PLEKHG4B: variants seen among roughly 807,000 people sequenced by gnomAD.
PLEKHG4B encodes the protein pleckstrin homology domain-containing family G member 4B.
A neutral mutation model predicts 121.3 loss-of-function variants in PLEKHG4B; 111 were observed. That is an observed-to-expected ratio of 0.92 (90% CI 0.78 to 1.07). The LOEUF (loss-of-function observed/expected upper bound fraction) is 1.07. Among genes scored for constraint, PLEKHG4B ranks in the 50% least tolerant of loss-of-function variants. The pLI is 0.00. For missense variants in PLEKHG4B, 1,831 were observed against 1,757.8 expected (o/e 1.04, Z -0.74); for synonymous variants, 738 against 725.0 (o/e 1.02, Z -0.29).
In PLEKHG4B at chr5:143,523, C is replaced by T. The variant is rs571148637; in HGVS notation, c.1811+20C>T. 8.6e-5 allele frequency: 139 copies of T among 1,611,942 alleles called. 1 individual carries two copies. In the South Asian group the frequency reaches 9.4e-4, roughly 11 times the overall value. On this transcript the variant is annotated intron_variant, in intron 5 of 19. Coordinates refer to ENST00000637938, the MANE Select transcript of PLEKHG4B (RefSeq NM_052909.5). ...CCCCAGGTGGGACGGGGGGCAAGGCCGCACCCTGCAGACCCATGGGACCCC... is the reference window on the plus strand; with the variant it reads ...CCCCAGGTGGGACGGGGGGCAAGGCTGCACCCTGCAGACCCATGGGACCCC...
At chr5:125,426 A>G (rs1423328410) in intron 2 of PLEKHG4B, among the ~76,000 whole-genome samples, 1 of 152,184 alleles carries the variant, frequency 6.6e-6, no homozygotes, top group African/African-American at 2.4e-5. Context: ...ATTTGAATTT[A>G]TACAAGTTTA....
At chr5:169,811 C>T (rs750089071) in intron 14 of PLEKHG4B, among the ~76,000 whole-genome samples, 2 of 152,244 alleles carry the variant, frequency 1.3e-5, no homozygotes, top group Admixed American at 6.5e-5. Flanking sequence ...GTGGTGTGAC[C>T]GACTGTGTCC....
chr5:171,560 C>A, intron 16 of PLEKHG4B, 116 bp downstream of exon 16: 1 of 1,063,542 alleles, frequency 9.4e-7, no homozygotes, highest in Non-Finnish European at 1.3e-6. Context: ...AGATTTGCCC[C>A]GGAGAAGTCC....
intron 2 of PLEKHG4B, among the ~76,000 whole-genome samples, chr5:115,399 C>T (rs1324371786): frequency 6.6e-6 from 1 of 152,154 alleles, no homozygotes; most frequent in East Asian, 1.9e-4. Context: ...TTCTTAGGGG[C>T]CCTGGGAGGT....
intron 1 of PLEKHG4B, among the ~76,000 whole-genome samples, chr5:100,333 AC>A (rs568558355): frequency 5.0e-4 from 76 of 152,132 alleles, no homozygotes; most frequent in African/African-American, 1.7e-3. Flanking sequence ...AATGTAGGTA[AC>A]TGGAAAAAGG....
chr5:136,815 G>A (rs1734998580), intron 2 of PLEKHG4B, among the ~76,000 whole-genome samples: 1 of 152,182 alleles, frequency 6.6e-6, no homozygotes. Context: ...TCAAAAGAGT[G>A]AACACAGAAT....
intron 11 of PLEKHG4B, among the ~76,000 whole-genome samples, chr5:160,153 C>T (rs766653622): frequency 4.6e-5 from 7 of 152,264 alleles, no homozygotes; most frequent in African/African-American, 7.2e-5. Context: ...TAGATTTTTA[C>T]ACACGGGATG....
intron 13 of PLEKHG4B, among the ~76,000 whole-genome samples, chr5:166,570 C>T (rs566378301): frequency 2.0e-5 from 3 of 151,452 alleles, no homozygotes; most frequent in African/African-American, 2.4e-5. Context: ...TCTGACGGGG[C>T]GGGGCTCACA....
chr5:129,986 G>A (rs549766380), intron 2 of PLEKHG4B, among the ~76,000 whole-genome samples: 38 of 152,044 alleles, frequency 2.5e-4, no homozygotes, highest in African/African-American at 7.7e-4. Context: ...ATGCTCATAG[G>A]TCACTCAGGA....
Position 156,300 on chromosome 5 carries a change from A to G in PLEKHG4B, c.2348+90A>G. On this transcript the variant is annotated intron_variant, in intron 10 of 19. Transcript: ENST00000637938. This position sits in a 1 kb window ranked among gnomAD's most constrained non-coding sequence, Gnocchi z 4.4. ...ACCAGGAGGCGTAGCGCTCTGCTCC[A>G]AGGAGAGCCCCCTCTGTGCTTGGTC... is the stretch of plus-strand genomic sequence containing the variant. The G allele has an allele frequency of 8.0e-7, 1 of 1,242,518 alleles. No homozygotes were observed. 77.0% of individuals were successfully genotyped at this position (1,242,518 alleles called of 1,614,324 possible).
At chr5:97,138 C>A (rs569126211) in intron 1 of PLEKHG4B, among the ~76,000 whole-genome samples, 1 of 150,722 alleles carries the variant, frequency 6.6e-6, no homozygotes, top group East Asian at 1.9e-4. Context: ...GGCTTCAGAT[C>A]GTTTTCCTCA....
chr5:135,698 T>TATATATATAC (rs1560918214), intron 2 of PLEKHG4B, among the ~76,000 whole-genome samples: 4 of 61,324 alleles, frequency 6.5e-5, no homozygotes, highest in African/African-American at 3.8e-4. Flanking sequence ...TATATATATA[T>TATATATATAC]ATATATATAT....
intron 18 of PLEKHG4B, among the ~76,000 whole-genome samples, chr5:179,124 C>G (rs1560957519): frequency 6.6e-6 from 1 of 152,198 alleles, no homozygotes; most frequent in Non-Finnish European, 1.5e-5. Context: ...GTTTACACGA[C>G]ACATACTTCT....
At chr5:135,033 C>A (rs1305260022) in intron 2 of PLEKHG4B, among the ~76,000 whole-genome samples, 1 of 151,166 alleles carries the variant, frequency 6.6e-6, no homozygotes, top group Non-Finnish European at 1.5e-5. Flanking sequence ...ACTAAAAATA[C>A]AAAAACTTAG....
chr5:92,809 C>T (rs992350318), intron 1 of PLEKHG4B, among the ~76,000 whole-genome samples: 1 of 152,004 alleles, frequency 6.6e-6, no homozygotes, highest in Admixed American at 6.5e-5. Context: ...TGGGACAGAA[C>T]AGTGATCTGT....
chr5:169,222 C>A, intron 13 of PLEKHG4B, 118 bp from the exon 14 acceptor site: 1 of 1,401,928 alleles, frequency 7.1e-7, no homozygotes, highest in Non-Finnish European at 9.7e-7. Context: ...GCCTCCAGTC[C>A]ACATGTGACC....
At position 151,613 on chromosome 5, in the gene PLEKHG4B, CTG is replaced by C; in HGVS notation, c.1992+17_1992+18del. ...GCAATAATTCAGGTAATGGTTTAGACTGTGGGATCCTGAGTGATGGATAAAAT... is the reference window on the plus strand; with the variant it reads ...GCAATAATTCAGGTAATGGTTTAGACTGGGATCCTGAGTGATGGATAAAAT... On this transcript the variant is annotated intron_variant, in intron 7 of 19. Transcript: ENST00000637938. 6.6e-7 allele frequency: 1 copy of C among 1,506,182 alleles called. No homozygotes were observed. The highest frequency in any genetic ancestry group is 9.2e-7 in the Non-Finnish European group (1 of 1,090,326). 93.3% of individuals were successfully genotyped at this position (1,506,182 alleles called of 1,614,324 possible).
In PLEKHG4B at chr5:156,358, G is replaced by C; in HGVS notation, c.2348+148G>C. ...CCATTCTGACAGCCACGCTTTGCCT[G>C]GGTCAGAGCTTTTCCACATTTACAG... On this transcript the variant is annotated intron_variant, in intron 10 of 19. Transcript: ENST00000637938. This position sits in a 1 kb window ranked among gnomAD's most constrained non-coding sequence, Gnocchi z 4.4. 2.1e-6 allele frequency: 2 copies of C among 949,364 alleles called. No homozygotes were observed. The highest frequency in any genetic ancestry group is 3.6e-5 in the Admixed American group (1 of 27,458). 58.8% of individuals were successfully genotyped at this position (949,364 alleles called of 1,614,324 possible).
chr5:118,274 A>G (rs1019490686), intron 2 of PLEKHG4B, among the ~76,000 whole-genome samples: 5 of 152,222 alleles, frequency 3.3e-5, no homozygotes, highest in Non-Finnish European at 7.3e-5. Flanking sequence ...GAAATCCAGA[A>G]TTACCGTAGG....
Sources: gnomAD v4.1 joint callset for allele counts (sites outside exome capture counted in the v4.1 genomes callset) on GRCh38, gnomAD v4.1.1 for gene constraint, Gnocchi (gnomAD v3.1) non-coding constraint, MANE v1.5 for transcripts, NCBI Gene and HGNC (gene_info 2026-07-23, HGNC 2026-07-21) for gene names.